Variants in KATNIP observed in about 807,000 individuals in gnomAD.
KATNIP encodes katanin interacting protein.
A neutral mutation model predicts 174.0 loss-of-function variants in KATNIP; 126 were observed. That is an observed-to-expected ratio of 0.72 (90% CI 0.63 to 0.84). KATNIP has a LOEUF of 0.84. KATNIP is among the 40% of genes least tolerant of loss of function. The pLI, the probability that KATNIP is intolerant of heterozygous loss-of-function variation, is 0.00. For missense variants in KATNIP, 1,958 were observed against 2,109.7 expected (o/e 0.93, Z 1.41); for synonymous variants, 810 against 835.7 (o/e 0.97, Z 0.53).
chr16:27,678,268 G>A (rs994864703), intron 7 of KATNIP, among the ~76,000 whole-genome samples: 3 of 152,214 alleles, frequency 2.0e-5, no homozygotes, highest in Non-Finnish European at 2.9e-5. Context: ...CTACATACCA[G>A]TTGGCTAATA....
At position 27,628,818 on chromosome 16, in the gene KATNIP, G is replaced by C; in HGVS notation, c.298G>C (p.Glu100Gln). Reference protein sequence around the residue: ...SDFSRSASHTEGTHDYGRRTL... With the variant: ...SDFSRSASHTQGTHDYGRRTL... Reference sequence around the variant, plus strand: ...CTTCTCCAGAAGTGCCTCCCACACGGAGGGGACACACGGTGAGCACAGGCC... The same window carrying C: ...CTTCTCCAGAAGTGCCTCCCACACGCAGGGGACACACGGTGAGCACAGGCC... Residue 100 changes from glutamate (E) to glutamine (Q), a missense_variant, in exon 4 of 28, where the codon GAG becomes CAG. Around this residue, in one of 3 missense-constraint regions of KATNIP, gnomAD observed 1,557 missense variants for 1,617.8 expected, o/e 0.96. Coordinates refer to ENST00000261588, the MANE Select transcript of KATNIP (RefSeq NM_015202.5). The C allele has an allele frequency of 6.2e-7, 1 of 1,614,102 alleles. No individual in the cohort carries two copies. The highest frequency in any genetic ancestry group is 8.5e-7 in the Non-Finnish European group (1 of 1,179,998).
intron 6 of KATNIP, among the ~76,000 whole-genome samples, chr16:27,663,135 C>A (rs965303252): frequency 1.8e-5 from 2 of 113,730 alleles, no homozygotes; most frequent in African/African-American, 6.3e-5. Flanking sequence ...TTTATTTTTT[C>A]TTTTTCTTTT....
At chr16:27,554,991 T>C (rs548804444) in intron 1 of KATNIP, among the ~76,000 whole-genome samples, 3 of 151,956 alleles carry the variant, frequency 2.0e-5, no homozygotes, top group Admixed American at 1.3e-4. Context: ...AGAGATGGGG[T>C]TTCACCATGT....
chr16:27,640,390 G>C (rs890410327), intron 5 of KATNIP, among the ~76,000 whole-genome samples: 1 of 152,198 alleles, frequency 6.6e-6, no homozygotes, highest in African/African-American at 2.4e-5. Flanking sequence ...TGCACGGCCT[G>C]GGGGGCTGGG....
At chr16:27,765,259 G>T (rs2082083335) in intron 19 of KATNIP, among the ~76,000 whole-genome samples, 1 of 152,244 alleles carries the variant, frequency 6.6e-6, no homozygotes, top group African/African-American at 2.4e-5. Flanking sequence ...CTGAGGCCTG[G>T]GCTGAGGCAT....
chr16:27,578,735 G>A (rs1230796943), intron 2 of KATNIP, among the ~76,000 whole-genome samples: 1 of 152,124 alleles, frequency 6.6e-6, no homozygotes, highest in Non-Finnish European at 1.5e-5. Flanking sequence ...GTCCCACCAT[G>A]CCTGACTAAT....
intron 1 of KATNIP, among the ~76,000 whole-genome samples, chr16:27,556,291 T>C (rs917452664): frequency 3.9e-5 from 6 of 152,190 alleles, no homozygotes; most frequent in Non-Finnish European, 7.3e-5. Flanking sequence ...GAAAATCCAA[T>C]GTTTGACATT....
At position 27,708,689 on chromosome 16, in the gene KATNIP, T is replaced by C. The variant is rs745607270; in HGVS notation, c.1390-16T>C. 1.9e-6 allele frequency: 3 copies of C among 1,594,182 alleles called. No homozygotes were observed. The highest frequency in any genetic ancestry group is 2.6e-6 in the Non-Finnish European group (3 of 1,165,074). ...TCATGACTTAATCCTTTGGTGTTAT[T>C]TTTCTCTTCTTTAAGGACAAACAGA... is the stretch of plus-strand genomic sequence containing the variant. On this transcript the variant is annotated splice_polypyrimidine_tract_variant and intron_variant, in intron 12 of 27. Transcript: ENST00000261588.
chr16:27,625,349 G>A (rs2076302512), intron 3 of KATNIP, among the ~76,000 whole-genome samples: 1 of 152,230 alleles, frequency 6.6e-6, no homozygotes, highest in African/African-American at 2.4e-5. Flanking sequence ...GGCATCAGAA[G>A]GCAGGGAGAG....
Position 27,750,201 on chromosome 16 carries a change from T to C in KATNIP, c.3241T>C (p.Ser1081Pro). The C allele has an allele frequency of 6.2e-7, 1 of 1,614,014 alleles. No individual in the cohort carries two copies. The highest frequency in any genetic ancestry group is 1.1e-5 in the South Asian group (1 of 91,082). ...GATCAGAATTTGGAACTACAATAAA[T>C]CTCGGATACATTCCTTCCGAGGCGT... ...ALIRIWNYNKSRIHSFRGVKD... is the reference protein window; with the variant it reads ...ALIRIWNYNKPRIHSFRGVKD... Residue 1081 changes from serine to proline, a missense_variant, in exon 16 of 28, where the codon TCT becomes CCT. Physicochemically the swap from Ser to Pro is moderately conservative, Grantham distance 74 (BLOSUM62 -1). Around this residue, in one of 3 missense-constraint regions of KATNIP, gnomAD observed 1,557 missense variants for 1,617.8 expected, o/e 0.96. Coordinates refer to ENST00000261588, the MANE Select transcript of KATNIP (RefSeq NM_015202.5).
chr16:27,733,789 CTT>C, intron 14 of KATNIP, among the ~76,000 whole-genome samples: 1 of 152,224 alleles, frequency 6.6e-6, no homozygotes, highest in East Asian at 1.9e-4. Context: ...CCCCTGGATC[CTT>C]TCGTAAAGAT....
chr16:27,557,041 G>A (rs1015387760), intron 1 of KATNIP, among the ~76,000 whole-genome samples: 2 of 151,930 alleles, frequency 1.3e-5, no homozygotes, highest in African/African-American at 2.4e-5. Flanking sequence ...AGTGCCTTCC[G>A]TGCATTGGAA....
chr16:27,670,836 T>G (rs549207395), intron 6 of KATNIP, among the ~76,000 whole-genome samples: 4 of 152,318 alleles, frequency 2.6e-5, no homozygotes, highest in Admixed American at 2.0e-4. Flanking sequence ...ACTAAATAAT[T>G]TTTTTAAAAA....
intron 2 of KATNIP, among the ~76,000 whole-genome samples, chr16:27,598,493 C>A (rs1228327103): frequency 1.3e-5 from 2 of 152,162 alleles, no homozygotes; most frequent in Non-Finnish European, 2.9e-5. Flanking sequence ...GAGTTAAGGG[C>A]CTTATGTCAC....
intron 1 of KATNIP, among the ~76,000 whole-genome samples, chr16:27,568,798 G>A (rs1460940122): frequency 6.6e-6 from 1 of 152,084 alleles, no homozygotes; most frequent in African/African-American, 2.4e-5. Context: ...CTTGTGATGG[G>A]GAGGCCCTTA....
intron 5 of KATNIP, among the ~76,000 whole-genome samples, chr16:27,641,741 C>G (rs139455238): frequency 6.6e-6 from 1 of 152,210 alleles, no homozygotes; most frequent in African/African-American, 2.4e-5. Context: ...ATTCCCAAGG[C>G]AAAGGAGGGG....
chr16:27,595,047 G>A (rs1010219871), intron 2 of KATNIP, among the ~76,000 whole-genome samples: 5 of 152,216 alleles, frequency 3.3e-5, no homozygotes, highest in Non-Finnish European at 7.3e-5. Context: ...TGGCATTGAA[G>A]CCTGAATAGA....
In KATNIP at chr16:27,779,710, A is replaced by G. The variant is rs574426662; in HGVS notation, c.*1081A>G. On this transcript the variant is annotated 3_prime_UTR_variant, in exon 28 of 28. Transcript: ENST00000261588. Reference sequence around the variant, plus strand: ...AGTTGGAAATGTGCCTTGCACCCCCAGCCGAGTGAAGCCCAGAACGCATCT... The same window carrying G: ...AGTTGGAAATGTGCCTTGCACCCCCGGCCGAGTGAAGCCCAGAACGCATCT... 1 of 143,114 alleles carries G rather than the reference A, an allele frequency of 7.0e-6. No individual in the cohort carries two copies. Among genetic ancestry groups the G allele is most frequent in the African/African-American group, 2.7e-5 (1 of 37,582 alleles). 8.9% of individuals were successfully genotyped at this position (143,114 alleles called of 1,614,324 possible).
intron 1 of KATNIP, among the ~76,000 whole-genome samples, chr16:27,569,017 G>A (rs1387380202): frequency 6.6e-6 from 1 of 152,064 alleles, no homozygotes; most frequent in African/African-American, 2.4e-5. Flanking sequence ...GTTTAATTAG[G>A]AATATCATGA....
Sources: gnomAD v4.1 joint callset for allele counts (sites outside exome capture counted in the v4.1 genomes callset) on GRCh38, gnomAD v4.1.1 for gene constraint, gnomAD v4.1.1 regional missense constraint, MANE v1.5 for transcripts, NCBI Gene and HGNC (gene_info 2026-07-23, HGNC 2026-07-21) for gene names.